The following IMMP2L variants were observed in gnomAD, a reference collection of about 807,000 sequenced individuals.
IMMP2L encodes inner mitochondrial membrane peptidase subunit 2, also known as mitochondrial inner membrane protease subunit 2.
IMMP2L carries 18 observed loss-of-function variants against 19.3 expected under a neutral mutation model. That is an observed-to-expected ratio of 0.93 (90% CI 0.64 to 1.38). The LOEUF is 1.38. Ranked by LOEUF, IMMP2L falls within the 40% of genes most tolerant of loss-of-function variation. The pLI is 0.00. For missense variants in IMMP2L, 233 were observed against 218.2 expected (o/e 1.07, Z -0.43); for synonymous variants, 76 against 73.0 (o/e 1.04, Z -0.21).
At chr7:111,429,205 A>G (rs949543902) in intron 3 of IMMP2L, among the ~76,000 whole-genome samples, 1 of 151,932 alleles carries the variant, frequency 6.6e-6, no homozygotes, top group Non-Finnish European at 1.5e-5. Context: ...AACTGCATGT[A>G]GGGAAATGCA....
chr7:110,739,195 A>G (rs1198659119), intron 5 of IMMP2L, among the ~76,000 whole-genome samples: 3 of 152,148 alleles, frequency 2.0e-5, no homozygotes, highest in Admixed American at 2.0e-4. Context: ...CACAATGAGT[A>G]GAATAGTACC....
At chr7:111,262,554 C>G (rs943372188) in intron 3 of IMMP2L, among the ~76,000 whole-genome samples, 1 of 152,058 alleles carries the variant, frequency 6.6e-6, no homozygotes, top group Non-Finnish European at 1.5e-5. Flanking sequence ...AGTAAATACA[C>G]TAACAGTATT....
chr7:111,020,370 A>T (rs973412452), intron 3 of IMMP2L, among the ~76,000 whole-genome samples: 3 of 152,068 alleles, frequency 2.0e-5, no homozygotes, highest in Admixed American at 6.5e-5. Flanking sequence ...AGTGACAGAG[A>T]GGGATTCCAT....
At chr7:110,765,912 G>A (rs1337855803) in intron 5 of IMMP2L, among the ~76,000 whole-genome samples, 2 of 152,134 alleles carry the variant, frequency 1.3e-5, no homozygotes, top group African/African-American at 4.8e-5. Flanking sequence ...TTACAAAGCT[G>A]TGTAAGTTTT....
At chr7:111,036,978 A>G (rs1464594882) in intron 3 of IMMP2L, among the ~76,000 whole-genome samples, 1 of 152,190 alleles carries the variant, frequency 6.6e-6, no homozygotes. Flanking sequence ...AAAAATAAGC[A>G]TATGAATGAA....
chr7:110,909,659 C>G (rs1812827888), intron 4 of IMMP2L, among the ~76,000 whole-genome samples: 1 of 152,092 alleles, frequency 6.6e-6, no homozygotes, highest in African/African-American at 2.4e-5. Context: ...CTGGGGTTAA[C>G]AAAAACTCTC....
At chr7:110,788,530 A>G (rs1359409185) in intron 5 of IMMP2L, among the ~76,000 whole-genome samples, 1 of 151,432 alleles carries the variant, frequency 6.6e-6, no homozygotes, top group Non-Finnish European at 1.5e-5. Context: ...CTTTACTTAT[A>G]CTCACTCTGC....
chr7:111,151,892 C>T (rs1048643409), intron 3 of IMMP2L, among the ~76,000 whole-genome samples: 1 of 152,204 alleles, frequency 6.6e-6, no homozygotes, highest in African/African-American at 2.4e-5. Flanking sequence ...GCCAAGATCG[C>T]GCCATTGCAC....
intron 3 of IMMP2L, among the ~76,000 whole-genome samples, chr7:111,142,047 C>A (rs186190726): frequency 8.7e-4 from 133 of 152,202 alleles, no homozygotes; most frequent in African/African-American, 3.2e-3. Flanking sequence ...AACACAGGGT[C>A]AGGCACGGTG....
chr7:111,466,176 G>T (rs894703647), intron 3 of IMMP2L, among the ~76,000 whole-genome samples: 1 of 152,082 alleles, frequency 6.6e-6, no homozygotes, highest in East Asian at 1.9e-4. Context: ...GGCCTGTTGT[G>T]GGGTGGAGGG....
intron 3 of IMMP2L, among the ~76,000 whole-genome samples, chr7:111,132,940 G>A (rs1490941466): frequency 3.3e-5 from 5 of 151,970 alleles, no homozygotes; most frequent in Admixed American, 6.6e-5. Flanking sequence ...AGTATTCAAC[G>A]AGTACTAAAG....
chr7:110,931,613 T>G (rs756419450), intron 4 of IMMP2L, among the ~76,000 whole-genome samples: 14 of 152,158 alleles, frequency 9.2e-5, no homozygotes, highest in Non-Finnish European at 1.8e-4. Flanking sequence ...TCTATCTCCC[T>G]GGCCCGAGTC....
rs374418448 is a variant in IMMP2L, at chr7:110,974,150, TAAG to T, written c.240-10588_240-10586del. The stretch of plus-strand genomic sequence containing the variant: ...GTCTTAAATGCCTGTGGGTTAAATG[TAAG>T]AAGGAGGCTTTGATTTAAATAAAAG... On this transcript the variant is annotated intron_variant, in intron 3 of 5. Transcript: ENST00000405709. 2.5e-3 allele frequency among the ~76,000 whole-genome samples: 385 copies of T among 152,264 alleles called. 1 individual carries two copies. Among genetic ancestry groups the T allele is most frequent in the African/African-American group, 8.9e-3 (370 of 41,570 alleles).
chr7:111,174,648 T>C (rs1355260835), intron 3 of IMMP2L, among the ~76,000 whole-genome samples: 1 of 151,766 alleles, frequency 6.6e-6, no homozygotes, highest in Non-Finnish European at 1.5e-5. Context: ...TCACCAGCCT[T>C]CTATTGACTC....
intron 5 of IMMP2L, among the ~76,000 whole-genome samples, chr7:110,861,120 A>T (rs1585057474): frequency 1.4e-5 from 2 of 147,342 alleles, no homozygotes; most frequent in South Asian, 4.4e-4. Context: ...AGAGAGAGAG[A>T]GAGAGAGAGA....
At chr7:111,044,807 C>T (rs1792234085) in intron 3 of IMMP2L, among the ~76,000 whole-genome samples, 1 of 152,074 alleles carries the variant, frequency 6.6e-6, no homozygotes, top group Non-Finnish European at 1.5e-5. Context: ...TTTAAGTGAA[C>T]TAATGAATGA....
At chr7:110,984,074 T>C (rs776949934) in intron 3 of IMMP2L, among the ~76,000 whole-genome samples, 6 of 151,956 alleles carry the variant, frequency 3.9e-5, no homozygotes, top group Non-Finnish European at 8.8e-5. Flanking sequence ...ATCTCTTAGA[T>C]TGACAGAGGA....
intron 1 of IMMP2L, among the ~76,000 whole-genome samples, chr7:111,522,900 A>G (rs1280096465): frequency 7.8e-6 from 1 of 128,850 alleles, no homozygotes; most frequent in African/African-American, 3.4e-5. Context: ...CCATCAATGG[A>G]TGAATGAACT....
At chr7:110,966,697 T>A (rs1819582423) in intron 3 of IMMP2L, among the ~76,000 whole-genome samples, 2 of 152,178 alleles carry the variant, frequency 1.3e-5, no homozygotes, top group African/African-American at 2.4e-5. Flanking sequence ...TCTAATCAAA[T>A]AATTTCAGAA....
Sources: allele counts gnomAD v4.1 joint callset (sites outside exome capture counted in the v4.1 genomes callset), GRCh38; gene constraint gnomAD v4.1.1; transcripts MANE v1.5; gene names NCBI Gene and HGNC (gene_info 2026-07-23, HGNC 2026-07-21).